ENOSF1: variants seen among roughly 807,000 people sequenced by gnomAD.
ENOSF1 encodes the protein mitochondrial enolase superfamily member 1.
In ENOSF1, 73 loss-of-function variants were observed where a neutral mutation model predicts 68.2. The observed-to-expected ratio is 1.07, with a 90% CI of 0.89 to 1.30. ENOSF1 has a LOEUF of 1.30. Among genes scored for constraint, ENOSF1 ranks in the 50% most tolerant of loss-of-function variants. The pLI, the probability that ENOSF1 is intolerant of heterozygous loss-of-function variation, is 0.00. For synonymous variants in ENOSF1, 223 were observed against 210.4 expected (o/e 1.06, Z -0.52); for missense variants, 589 against 554.5 (o/e 1.06, Z -0.62).
intron 11 of ENOSF1, chr18:682,863 A>G (rs1025049462): frequency 4.2e-5 from 7 of 167,692 alleles, no homozygotes; most frequent in African/African-American, 1.7e-4. Flanking sequence ...AGCCTGGGCA[A>G]CAGAGTAAGA....
intron 11 of ENOSF1, among the ~76,000 whole-genome samples, chr18:678,977 G>A (rs1198127006): frequency 6.6e-6 from 1 of 152,146 alleles, no homozygotes. Flanking sequence ...CCAGGGCTCT[G>A]CAGATCTCCT....
chr18:695,527 TTTTATA>T (rs571516752), intron 3 of ENOSF1, among the ~76,000 whole-genome samples: 3 of 151,198 alleles, frequency 2.0e-5, no homozygotes, highest in Admixed American at 6.7e-5. Flanking sequence ...TTATCATTCC[TTTTATA>T]TTTATTAGAT....
At chr18:690,269 C>T (rs1250188923) in intron 8 of ENOSF1, among the ~76,000 whole-genome samples, 3 of 150,840 alleles carry the variant, frequency 2.0e-5, no homozygotes, top group Non-Finnish European at 4.4e-5. Context: ...ACAACGTGGA[C>T]TTGTGACTGG....
At chr18:666,932 GT>G (rs1167387699), downstream of ENOSF1, among the ~76,000 whole-genome samples, 3 of 59,574 alleles carry the variant, frequency 5.0e-5, no homozygotes, top group Non-Finnish European at 1.1e-4. Context: ...GATGGTGATG[GT>G]GATGGAGATG....
chr18:711,807 G>C (rs1319299124), intron 1 of ENOSF1, among the ~76,000 whole-genome samples: 1 of 152,120 alleles, frequency 6.6e-6, no homozygotes, highest in Non-Finnish European at 1.5e-5. Flanking sequence ...GTAATTTCAC[G>C]AGAGCGCCCT....
In ENOSF1 at chr18:685,993, C is replaced by T; in HGVS notation, c.669G>A (p.Val223=). Residue 223 remains valine (V), a synonymous_variant, in exon 10 of 16, where the codon GTG becomes GTA. Coordinates refer to ENST00000647584, the MANE Select transcript of ENOSF1 (RefSeq NM_017512.7). Reference sequence around the variant, plus strand: ...GCATGTCATCCTGGAGATCAGCACCCACCTTTACTTTAAACCTAGAAAATG... The same window carrying T: ...GCATGTCATCCTGGAGATCAGCACCTACCTTTACTTTAAACCTAGAAAATG... The part of the protein sequence containing the change: ...KDGWTRFKVK[V]GADLQDDMRR... 1 of 1,614,024 alleles carries T rather than the reference C, an allele frequency of 6.2e-7. No individual in the cohort carries two copies. The highest frequency in any genetic ancestry group is 8.5e-7 in the Non-Finnish European group (1 of 1,179,898).
intron 8 of ENOSF1, among the ~76,000 whole-genome samples, chr18:689,566 G>A (rs1006579186): frequency 1.3e-5 from 2 of 152,214 alleles, no homozygotes; most frequent in African/African-American, 4.8e-5. Flanking sequence ...ATAGGCGTGA[G>A]CCACTGCCCT....
chr18:688,611 G>C lies in ENOSF1; in HGVS notation c.619-3C>G. On this transcript the variant is annotated splice_polypyrimidine_tract_variant and splice_region_variant and intron_variant, in intron 8 of 15. Transcript: ENST00000647584. ...TCCTTCAGCGCCTGGGCACAGAGCT[G>C]TGGGAAAGGAGCACAGGGTCACACA... 1 of 1,613,984 alleles carries C rather than the reference G, an allele frequency of 6.2e-7. No homozygotes were observed. The highest frequency in any genetic ancestry group is 8.5e-7 in the Non-Finnish European group (1 of 1,179,932).
chr18:667,873 T>C (rs2074888309), downstream of ENOSF1: 2 of 152,128 alleles, frequency 1.3e-5, no homozygotes, highest in Admixed American at 6.6e-5. Flanking sequence ...TTCTTGTCGC[T>C]TAAAAGGCCT....
chr18:689,521 A>G (rs2076943396), intron 8 of ENOSF1, among the ~76,000 whole-genome samples: 1 of 152,108 alleles, frequency 6.6e-6, no homozygotes, highest in Non-Finnish European at 1.5e-5. Context: ...ACCTCAGGTG[A>G]TCCACCCACC....
intron 1 of ENOSF1, among the ~76,000 whole-genome samples, chr18:710,334 T>C (rs775242805): frequency 6.6e-6 from 1 of 152,192 alleles, no homozygotes; most frequent in Non-Finnish European, 1.5e-5. Context: ...GGTCTCGAAC[T>C]CCTGGGCTCA....
intron 3 of ENOSF1, 26 bp from the exon 4 acceptor site, chr18:694,360 C>T: frequency 6.2e-7 from 1 of 1,610,800 alleles, no homozygotes; most frequent in Non-Finnish European, 8.5e-7. Context: ...AGTACAAAAG[C>T]ACTTTTTAGA....
In ENOSF1 at chr18:670,759, G is replaced by A; in HGVS notation, c.*3546C>T. ...AGTTCTATGTGGTGAACAGTGAGCT[G>A]TCCTGCCAGCTGTACCAGAGATCGG... is the stretch of plus-strand genomic sequence containing the variant. On this transcript the variant is annotated 3_prime_UTR_variant, in exon 16 of 16. Transcript: ENST00000647584. 4 of 1,614,206 alleles carry A rather than the reference G, an allele frequency of 2.5e-6. No individual in the cohort carries two copies. The highest frequency in any genetic ancestry group is 3.4e-6 in the Non-Finnish European group (4 of 1,180,048).
chr18:697,418 A>G (rs984585882), intron 2 of ENOSF1, 63 bp from the exon 3 acceptor site: 9 of 1,175,666 alleles, frequency 7.7e-6, no homozygotes, highest in Admixed American at 2.0e-5. Context: ...TTAGCACCTG[A>G]AAACATCACA....
In ENOSF1 at chr18:688,441, T is replaced by C. The variant is rs11875754; in HGVS notation, c.653+133A>G. ...GCCTGGCCTAAGGGGAAACTTCTCT[T>C]ATGCATCCCTATGAGCCAGGGGGAT... On this transcript the variant is annotated intron_variant, in intron 9 of 15. Transcript: ENST00000647584. 4.9e-3 allele frequency: 5,465 copies of C among 1,107,878 alleles called. 190 individuals carry two copies. In the African/African-American group the frequency reaches 0.073, roughly 15 times the overall value. 68.6% of individuals were successfully genotyped at this position (1,107,878 alleles called of 1,614,324 possible). A position where few individuals can be genotyped will look rare whatever the true frequency, so the allele number is the denominator to read the frequency against.
At chr18:706,032 G>GA (rs1295341082) in intron 2 of ENOSF1, among the ~76,000 whole-genome samples, 1 of 151,924 alleles carries the variant, frequency 6.6e-6, no homozygotes, top group African/African-American at 2.4e-5. Context: ...TATATATATT[G>GA]AAAAGCGAGT....
Position 670,428 on chromosome 18 carries a change from T to C in ENOSF1, c.*3877A>G, listed in dbSNP as rs2144355758. On this transcript the variant is annotated 3_prime_UTR_variant, in exon 16 of 16. Coordinates refer to ENST00000647584, the MANE Select transcript of ENOSF1 (RefSeq NM_017512.7). ...GTATTTGTAATCTGGTGCCACGAGGTAGCCCAGATCCCTTCAGCTCTGATG... is the reference window on the plus strand; with the variant it reads ...GTATTTGTAATCTGGTGCCACGAGGCAGCCCAGATCCCTTCAGCTCTGATG... 4 of 407,184 alleles carry C rather than the reference T, an allele frequency of 9.8e-6. No individual in the cohort carries two copies. The highest frequency in any genetic ancestry group is 1.8e-5 in the Non-Finnish European group (4 of 227,182). The allele number at this position is 407,184 out of a possible 1,614,324, so 25.2% of individuals were successfully genotyped here.
chr18:673,635 G>T lies in ENOSF1; in HGVS notation c.*670C>A, dbSNP rs1006944876. 9.4e-5 allele frequency: 16 copies of T among 170,436 alleles called. No homozygotes were observed. The highest frequency in any genetic ancestry group is 8.3e-4 in the Admixed American group (13 of 15,604). The allele number at this position is 170,436 out of a possible 1,614,324, so 10.6% of individuals were successfully genotyped here. A position where few individuals can be genotyped will look rare whatever the true frequency, so the allele number is the denominator to read the frequency against. ...AAAAGAGTATATTTTAGAAATAATA[G>T]TGAATATATTTTGCCCTATTTTTCT... On this transcript the variant is annotated 3_prime_UTR_variant, in exon 16 of 16. Coordinates refer to ENST00000647584, the MANE Select transcript of ENOSF1 (RefSeq NM_017512.7).
chr18:703,018 C>T (rs902746218), intron 2 of ENOSF1, among the ~76,000 whole-genome samples: 3 of 152,078 alleles, frequency 2.0e-5, no homozygotes, highest in Non-Finnish European at 4.4e-5. Flanking sequence ...AGTGTGAGTG[C>T]TGTGTAACAC....
Sources: allele counts gnomAD v4.1 joint callset (sites outside exome capture counted in the v4.1 genomes callset), GRCh38; gene constraint gnomAD v4.1.1; transcripts MANE v1.5; gene names NCBI Gene and HGNC (gene_info 2026-07-23, HGNC 2026-07-21).